The following MAF variants were observed in gnomAD, a reference collection of about 807,000 sequenced individuals.
The protein encoded by MAF is transcription factor Maf.
In MAF, 10 loss-of-function variants were observed where a neutral mutation model predicts 22.0. The ratio of observed to expected loss-of-function variants is 0.45; its 90% CI spans 0.28 to 0.77. MAF has a LOEUF of 0.77. MAF is among the 30% of genes least tolerant of loss of function. MAF has a pLI of 0.12. For synonymous variants in MAF, 337 were observed against 255.8 expected, an observed-to-expected ratio of 1.32 and a Z score of -3.03; for missense variants, 544 against 548.4, an observed-to-expected ratio of 0.99 and a Z score of 0.08.
the MAF span, among the ~76,000 whole-genome samples, chr16:79,422,910 G>A: frequency 6.6e-6 from 1 of 152,126 alleles, no homozygotes; most frequent in Non-Finnish European, 1.5e-5. Context: ...ACTCAGTTAA[G>A]CAAATAAGAT....
At chr16:79,468,781 C>G in the MAF span, among the ~76,000 whole-genome samples, 1 of 152,108 alleles carries the variant, frequency 6.6e-6, no homozygotes, top group Admixed American at 6.5e-5. Context: ...GAAAAGAAAC[C>G]AGAGAAGCCA....
the MAF span, among the ~76,000 whole-genome samples, chr16:79,251,544 T>A: frequency 6.6e-6 from 1 of 152,206 alleles, no homozygotes; most frequent in South Asian, 2.1e-4. Context: ...CTCGAACTCC[T>A]GACCTCAGGT....
chr16:79,257,770 T>G, the MAF span, among the ~76,000 whole-genome samples: 11 of 152,338 alleles, frequency 7.2e-5, no homozygotes, highest in African/African-American at 2.4e-4. Context: ...GCTAGAATCA[T>G]GTTCAAGAAG....
chr16:79,542,232 G>T, the MAF span, among the ~76,000 whole-genome samples: 2 of 152,190 alleles, frequency 1.3e-5, no homozygotes, highest in African/African-American at 4.8e-5. Context: ...GAGGAAACAG[G>T]AAGTCCAAGC....
the MAF span, among the ~76,000 whole-genome samples, chr16:79,304,042 C>G: frequency 6.6e-6 from 1 of 152,196 alleles, no homozygotes; most frequent in East Asian, 1.9e-4. Flanking sequence ...TGCATTTCCT[C>G]TATAAAGAAA....
the MAF span, among the ~76,000 whole-genome samples, chr16:79,547,541 T>G: frequency 1.3e-5 from 2 of 152,102 alleles, no homozygotes; most frequent in Non-Finnish European, 2.9e-5. Flanking sequence ...AAAAAAAACC[T>G]TTGTAGAAAC....
chr16:79,392,689 G>C, the MAF span, among the ~76,000 whole-genome samples: 4 of 152,106 alleles, frequency 2.6e-5, no homozygotes, highest in African/African-American at 9.7e-5. Context: ...AAGAGGGTGA[G>C]ACTTAGAGCA....
the MAF span, among the ~76,000 whole-genome samples, chr16:79,298,635 C>T: frequency 1.3e-5 from 2 of 152,130 alleles, no homozygotes; most frequent in Non-Finnish European, 2.9e-5. Flanking sequence ...ATGCAAAGAC[C>T]CAGGGAAGAA....
the MAF span, among the ~76,000 whole-genome samples, chr16:79,540,817 G>C: frequency 6.6e-6 from 1 of 152,132 alleles, no homozygotes; most frequent in Non-Finnish European, 1.5e-5. Flanking sequence ...GGGTTATTTG[G>C]GAAAAGTAAA....
the MAF span, among the ~76,000 whole-genome samples, chr16:79,240,494 A>C: frequency 2.8e-5 from 2 of 70,874 alleles, no homozygotes; most frequent in Non-Finnish European, 4.7e-5. Context: ...CTGGAAAAAA[A>C]AAAAAAAAAA....
the MAF span, among the ~76,000 whole-genome samples, chr16:79,510,925 A>G: frequency 6.6e-6 from 1 of 152,208 alleles, no homozygotes; most frequent in Non-Finnish European, 1.5e-5. Context: ...TTAAGTTGCT[A>G]TATGTGAAGA....
chr16:79,470,786 G>T, the MAF span, among the ~76,000 whole-genome samples: 1 of 152,162 alleles, frequency 6.6e-6, no homozygotes, highest in African/African-American at 2.4e-5. Flanking sequence ...ATGGGTGGAT[G>T]GATGGGTGAA....
chr16:79,444,282 G>A, the MAF span, among the ~76,000 whole-genome samples: 5 of 152,040 alleles, frequency 3.3e-5, no homozygotes, highest in Non-Finnish European at 7.4e-5. Flanking sequence ...CTAGGAGTAT[G>A]GACAATGCTA....
the MAF span, among the ~76,000 whole-genome samples, chr16:79,259,213 G>A: frequency 3.3e-5 from 5 of 152,188 alleles, no homozygotes; most frequent in African/African-American, 7.2e-5. Flanking sequence ...TCCTGGCTCT[G>A]CTCAGTCCCC....
chr16:79,456,261 A>C, the MAF span, among the ~76,000 whole-genome samples: 1 of 152,052 alleles, frequency 6.6e-6, no homozygotes, highest in Admixed American at 6.6e-5. Flanking sequence ...ATTTATGGGG[A>C]GCGATCTAAT....
At chr16:79,463,223 C>T in the MAF span, among the ~76,000 whole-genome samples, 2 of 152,120 alleles carry the variant, frequency 1.3e-5, no homozygotes, top group Admixed American at 6.6e-5. Flanking sequence ...CAGATGGGTC[C>T]GGGTCACATA....
chr16:79,508,911 G>A, the MAF span, among the ~76,000 whole-genome samples: 1 of 152,156 alleles, frequency 6.6e-6, no homozygotes, highest in Non-Finnish European at 1.5e-5. Context: ...CCTTTGGAAT[G>A]GGGGGAAATG....
At chr16:79,276,453 C>T in the MAF span, among the ~76,000 whole-genome samples, 3 of 152,158 alleles carry the variant, frequency 2.0e-5, no homozygotes, top group East Asian at 3.9e-4. Context: ...CTTAGGGACA[C>T]GTCTCCATTA....
the MAF span, among the ~76,000 whole-genome samples, chr16:79,501,302 G>C: frequency 2.0e-5 from 3 of 151,984 alleles, no homozygotes; most frequent in Non-Finnish European, 2.9e-5. Flanking sequence ...TTCTTATAAG[G>C]GCACCAGTCA....
Sources: gnomAD v4.1 joint callset for allele counts (sites outside exome capture counted in the v4.1 genomes callset) on GRCh38, gnomAD v4.1.1 for gene constraint, MANE v1.5 for transcripts, NCBI Gene and HGNC (gene_info 2026-07-23, HGNC 2026-07-21) for gene names.